Variants in CASP4 observed in about 807,000 individuals in gnomAD.
The protein encoded by CASP4 is caspase-4.
CASP4 carries 29 observed loss-of-function variants against 41.3 expected under a neutral mutation model. That is an observed-to-expected ratio of 0.70 (90% CI 0.52 to 0.96). The LOEUF is 0.96. Ranked by LOEUF, CASP4 falls within the 40% of genes least tolerant of loss-of-function variation. The probability of loss-of-function intolerance (pLI) is 0.00; values close to 1 mark genes in which losing one functional copy is unlikely to be tolerated. For missense variants in CASP4, 447 were observed against 460.6 expected, an observed-to-expected ratio of 0.97 and a Z score of 0.27; for synonymous variants, 185 against 158.4, an observed-to-expected ratio of 1.17 and a Z score of -1.26.
At chr11:104,951,822 GTAAGAA>G in intron 3 of CASP4, 68 bp downstream of exon 3, 1 of 962,330 alleles carries the variant, frequency 1.0e-6, no homozygotes, top group African/African-American at 1.6e-5. Context: ...ATTTAGTGCT[GTAAGAA>G]ATGGTGCACT....
intron 7 of CASP4, among the ~76,000 whole-genome samples, chr11:104,945,565 T>C (rs1860438049): frequency 2.0e-5 from 3 of 152,100 alleles, no homozygotes; most frequent in Admixed American, 1.3e-4. Flanking sequence ...CCCAGTATCT[T>C]ATCTTTAAGA....
chr11:104,948,654 G>A lies in CASP4; in HGVS notation c.804C>T (p.Val268=). 1 of 1,607,728 alleles carries A rather than the reference G, an allele frequency of 6.2e-7. No homozygotes were observed. Among genetic ancestry groups the A allele is most frequent in the East Asian group, 2.2e-5 (1 of 44,778 alleles). The change falls in exon 6 of 9, where the codon GTC becomes GTT. Residue 268 remains valine (V), a synonymous_variant. Transcript: ENST00000444739. ...CRGANRGELW[V]RDSPASLEVA... The stretch of plus-strand genomic sequence containing the variant: ...CTTCCAAGGATGCTGGAGAGTCTCT[G>A]ACCCACAGTTCCCCACGGTTTGCTA...
intron 1 of CASP4, among the ~76,000 whole-genome samples, chr11:104,961,677 T>C (rs987462061): frequency 1.3e-5 from 2 of 152,130 alleles, no homozygotes; most frequent in African/African-American, 4.8e-5. Flanking sequence ...AATAGGAGGA[T>C]AGTTTGGAAG....
intron 1 of CASP4, among the ~76,000 whole-genome samples, chr11:104,961,743 G>C (rs1269105730): frequency 3.3e-5 from 5 of 152,218 alleles, no homozygotes; most frequent in African/African-American, 1.2e-4. Flanking sequence ...CCTTCTGTCT[G>C]TCTCATCTTC....
intron 2 of CASP4, among the ~76,000 whole-genome samples, chr11:104,952,439 T>G (rs909967153): frequency 6.6e-6 from 1 of 152,140 alleles, no homozygotes; most frequent in Non-Finnish European, 1.5e-5. Flanking sequence ...TAATTTCTAC[T>G]ATCACATGTA....
rs535464021 is a variant in CASP4 at position 104,951,862 on chromosome 11, C to CT, written c.372+33dup. The CT allele has an allele frequency of 1.0e-3, 1,394 of 1,379,308 alleles. 8 individuals carry two copies. The highest frequency in any genetic ancestry group is 9.6e-4 in the Non-Finnish European group (929 of 969,110). The allele number at this position is 1,379,308 out of a possible 1,614,324, so 85.4% of individuals were successfully genotyped here. On this transcript the variant is annotated intron_variant, in intron 3 of 8. Transcript: ENST00000444739. Reference sequence around the variant, plus strand: ...CTGAAGGAAAGCAATGATATCTCTTCTTTTTTTTCTATTTCATATAGATAG... The same window carrying CT: ...CTGAAGGAAAGCAATGATATCTCTTCTTTTTTTTTCTATTTCATATAGATAG...
At chr11:104,956,570 C>T (rs1405364856) in intron 1 of CASP4, 1 of 738,796 alleles carries the variant, frequency 1.4e-6, no homozygotes, top group African/African-American at 1.9e-5. Flanking sequence ...CCAGAGCCCC[C>T]ATTCTTAATT....
intron 2 of CASP4, 46 bp from the exon 3 acceptor site, chr11:104,952,051 C>A: frequency 8.8e-7 from 1 of 1,136,138 alleles, no homozygotes; most frequent in Non-Finnish European, 1.3e-6. Context: ...GCCTCTGTGA[C>A]CCAATTTATC....
At chr11:104,957,986 C>A (rs1860772692) in intron 1 of CASP4, among the ~76,000 whole-genome samples, 1 of 152,012 alleles carries the variant, frequency 6.6e-6, no homozygotes, top group Admixed American at 6.6e-5. Flanking sequence ...GAAATAAACC[C>A]AATTATTTAC....
At chr11:104,945,239 GT>G (rs770496781) in intron 7 of CASP4, among the ~76,000 whole-genome samples, 1 of 136,956 alleles carries the variant, frequency 7.3e-6, no homozygotes, top group Non-Finnish European at 1.5e-5. Flanking sequence ...TTTAATCCCA[GT>G]ATCTTATCTT....
In CASP4 at chr11:104,954,727, TG is replaced by T. The variant is rs1271956738; in HGVS notation, c.262+19del. 1 of 1,608,086 alleles carries T rather than the reference TG, an allele frequency of 6.2e-7. No individual in the cohort carries two copies. Among genetic ancestry groups the T allele is most frequent in the Non-Finnish European group, 8.5e-7 (1 of 1,176,412 alleles). ...ATTTAGGGAAAATTGAGACATTCAT[TG>T]TAAAAAATCCAGTCTTACCTTTTTT... On this transcript the variant is annotated intron_variant, in intron 2 of 8. Coordinates refer to ENST00000444739, the MANE Select transcript of CASP4 (RefSeq NM_001225.4).
intron 1 of CASP4, among the ~76,000 whole-genome samples, chr11:104,960,563 G>A (rs185898164): frequency 1.7e-3 from 261 of 152,150 alleles, no homozygotes; most frequent in Admixed American, 4.4e-3. Flanking sequence ...TCTGCCTCCC[G>A]GATTCAAGCG....
chr11:104,945,089 C>T (rs535744987), intron 7 of CASP4, among the ~76,000 whole-genome samples: 2 of 152,284 alleles, frequency 1.3e-5, no homozygotes, highest in African/African-American at 4.8e-5. Context: ...GGTCTTTCAA[C>T]ATTCATTTCC....
rs548631436 is a variant in CASP4, at chr11:104,950,905, G to A, written c.546+20C>T. The A allele has an allele frequency of 1.6e-5, 25 of 1,604,904 alleles. No individual in the cohort carries two copies. In the East Asian group the frequency reaches 5.6e-4, roughly 36 times the overall value. On this transcript the variant is annotated intron_variant, in intron 4 of 8. Coordinates refer to ENST00000444739, the MANE Select transcript of CASP4 (RefSeq NM_001225.4). ...GTGTCTTGAATATGTATGTGTTTGT[G>A]GCGGCTGAGGGATTCTTACCCTGGC...
intron 1 of CASP4, among the ~76,000 whole-genome samples, chr11:104,967,959 C>A (rs1394691997): frequency 6.6e-6 from 1 of 151,892 alleles, no homozygotes. Context: ...GGAAGGATAC[C>A]AGTTAAAAAC....
rs141542964 is a variant in CASP4 at position 104,958,806 on chromosome 11, C to G, written c.8-3805G>C. On this transcript the variant is annotated intron_variant, in intron 1 of 8. Transcript: ENST00000444739. Reference sequence around the variant, plus strand: ...TAAAACCCTGCTTCTAGTAAAAATACAAAAATTAGCCGAGCGTGGTGGTGG... The same window carrying G: ...TAAAACCCTGCTTCTAGTAAAAATAGAAAAATTAGCCGAGCGTGGTGGTGG... Among the ~76,000 whole-genome samples the G allele has an allele frequency of 6.1e-4, 93 of 151,616 alleles. 1 individual carries two copies. The highest frequency in any genetic ancestry group is 3.4e-3 in the Middle Eastern group (1 of 294).
chr11:104,953,136 G>A (rs183475238), intron 2 of CASP4, among the ~76,000 whole-genome samples: 1 of 152,204 alleles, frequency 6.6e-6, no homozygotes, highest in African/African-American at 2.4e-5. Context: ...TAGCATGAAA[G>A]CAAATCATTT....
chr11:104,966,035 A>C (rs1469522548), intron 1 of CASP4, among the ~76,000 whole-genome samples: 1 of 152,126 alleles, frequency 6.6e-6, no homozygotes, highest in Non-Finnish European at 1.5e-5. Context: ...CCTAGCTGCC[A>C]AATTATCTTT....
intron 1 of CASP4, among the ~76,000 whole-genome samples, chr11:104,956,287 T>C (rs982061841): frequency 2.0e-5 from 3 of 152,108 alleles, no homozygotes; most frequent in Non-Finnish European, 4.4e-5. Flanking sequence ...TAATAACTTA[T>C]GTCACATCAC....
Sources: allele counts gnomAD v4.1 joint callset (sites outside exome capture counted in the v4.1 genomes callset), GRCh38; gene constraint gnomAD v4.1.1; transcripts MANE v1.5; gene names NCBI Gene and HGNC (gene_info 2026-07-23, HGNC 2026-07-21).